Variants in MYLK4 observed in about 807,000 individuals in gnomAD.
The protein encoded by MYLK4 is myosin light chain kinase family member 4, also known as caMLCK like.
Under a neutral mutation model 48.1 loss-of-function variants are expected in MYLK4, and 46 were observed. The observed-to-expected ratio is 0.96, with a 90% CI of 0.75 to 1.22. The LOEUF is 1.22. Among genes scored for constraint, MYLK4 ranks in the 50% most tolerant of loss-of-function variants. The probability of loss-of-function intolerance (pLI) is 0.00; values close to 1 mark genes in which losing one functional copy is unlikely to be tolerated. For missense variants in MYLK4, 451 were observed against 486.1 expected, an observed-to-expected ratio of 0.93 and a Z score of 0.68; for synonymous variants, 170 against 180.8, an observed-to-expected ratio of 0.94 and a Z score of 0.48.
chr6:2,686,080 A>G (rs1582043097), intron 4 of MYLK4, among the ~76,000 whole-genome samples: 2 of 109,360 alleles, frequency 1.8e-5, no homozygotes, highest in Non-Finnish European at 1.8e-5. Flanking sequence ...AAAAAAAAAA[A>G]AAGAAGAAAG....
chr6:2,679,882 C>T (rs1582033232), intron 8 of MYLK4, among the ~76,000 whole-genome samples: 1 of 152,326 alleles, frequency 6.6e-6, no homozygotes, highest in East Asian at 1.9e-4. Context: ...TGCAAACTTG[C>T]TTACGTTGTT....
chr6:2,683,283 T>C, intron 6 of MYLK4, 121 bp from the exon 7 acceptor site: 3 of 1,034,064 alleles, frequency 2.9e-6, no homozygotes, highest in Non-Finnish European at 4.3e-6. Context: ...TGCAGTTATT[T>C]CTCTGCCTTC....
the MYLK4 span, among the ~76,000 whole-genome samples, chr6:2,757,502 T>C: frequency 5.9e-5 from 9 of 152,060 alleles, no homozygotes; most frequent in Non-Finnish European, 1.2e-4. Context: ...AACAGAGTAG[T>C]ACACAAAATA....
At chr6:2,724,561 G>C (rs1763186615) in intron 2 of MYLK4, among the ~76,000 whole-genome samples, 1 of 152,198 alleles carries the variant, frequency 6.6e-6, no homozygotes, top group Non-Finnish European at 1.5e-5. Context: ...TTACTCCCAA[G>C]TTAAAATCAC....
chr6:2,725,038 C>A (rs1763206534), intron 2 of MYLK4, among the ~76,000 whole-genome samples: 1 of 152,212 alleles, frequency 6.6e-6, no homozygotes, highest in African/African-American at 2.4e-5. Flanking sequence ...GTAATTCCAG[C>A]TGCTCGAGAG....
intron 2 of MYLK4, among the ~76,000 whole-genome samples, chr6:2,693,624 A>G (rs1761897862): frequency 6.6e-6 from 1 of 152,236 alleles, no homozygotes; most frequent in African/African-American, 2.4e-5. Flanking sequence ...TAAATTAATG[A>G]CATTGTGTGG....
At chr6:2,737,710 A>G (rs1763730619) in intron 2 of MYLK4, among the ~76,000 whole-genome samples, 1 of 152,146 alleles carries the variant, frequency 6.6e-6, no homozygotes, top group African/African-American at 2.4e-5. Context: ...TGACAGCATC[A>G]CCCACAGAAA....
the MYLK4 span, among the ~76,000 whole-genome samples, chr6:2,764,520 C>G: frequency 1.7e-4 from 26 of 152,296 alleles, no homozygotes; most frequent in South Asian, 4.1e-4. Flanking sequence ...ACCAAAAATG[C>G]CTGTTTTGAG....
At position 2,669,309 on chromosome 6, in the gene MYLK4, C is replaced by G. The variant is rs547971402; in HGVS notation, c.*26-1410G>C. Reference sequence around the variant, plus strand: ...GCGTGGCCAGCCCAAATGCTGCTGTCTGCGTCCTCTGCACAGCCATCGCTT... The same window carrying G: ...GCGTGGCCAGCCCAAATGCTGCTGTGTGCGTCCTCTGCACAGCCATCGCTT... On this transcript the variant is annotated intron_variant, in intron 12 of 12. Coordinates refer to ENST00000274643, the MANE Select transcript of MYLK4 (RefSeq NM_001012418.5). Among the ~76,000 whole-genome samples, 8 of 152,356 alleles carry G rather than the reference C, an allele frequency of 5.3e-5. No homozygotes were observed. The South Asian group carries it at 1.7e-3, about 32-fold the overall frequency.
intron 2 of MYLK4, among the ~76,000 whole-genome samples, chr6:2,715,335 GGCTGCACGA>G (rs764389263): frequency 2.0e-5 from 3 of 151,970 alleles, no homozygotes; most frequent in Non-Finnish European, 2.9e-5. Context: ...GGTGCTGACG[GGCTGCACGA>G]CAATGTGAAT....
chr6:2,757,919 A>G, the MYLK4 span, among the ~76,000 whole-genome samples: 1 of 152,204 alleles, frequency 6.6e-6, no homozygotes, highest in Non-Finnish European at 1.5e-5. Context: ...GGAGACACAC[A>G]GCCTAGGCTT....
intron 2 of MYLK4, among the ~76,000 whole-genome samples, chr6:2,715,992 T>G (rs1452913560): frequency 6.7e-6 from 1 of 150,188 alleles, no homozygotes; most frequent in Non-Finnish European, 1.5e-5. Flanking sequence ...CCAGAACCTT[T>G]GCACTCTGGT....
chr6:2,742,131 C>T (rs562597956), intron 2 of MYLK4, among the ~76,000 whole-genome samples: 1 of 152,272 alleles, frequency 6.6e-6, no homozygotes, highest in East Asian at 1.9e-4. Context: ...ACTTTGTCCT[C>T]AACTAAGACA....
intron 6 of MYLK4, 111 bp from the exon 7 acceptor site, chr6:2,683,273 T>C (rs1003776920): frequency 2.0e-5 from 24 of 1,174,978 alleles, no homozygotes; most frequent in African/African-American, 3.0e-5. Flanking sequence ...AAGGTGTATG[T>C]GCAGTTATTT....
chr6:2,734,896 T>C (rs1763614559), intron 2 of MYLK4, among the ~76,000 whole-genome samples: 1 of 152,096 alleles, frequency 6.6e-6, no homozygotes, highest in South Asian at 2.1e-4. Flanking sequence ...ATTCAGCAGG[T>C]TGGATGGGGC....
chr6:2,752,096 C>G (rs939127645), upstream of MYLK4, among the ~76,000 whole-genome samples: 1 of 152,168 alleles, frequency 6.6e-6, no homozygotes, highest in Non-Finnish European at 1.5e-5. Flanking sequence ...CCACCCGGAC[C>G]ACCACCACGC....
chr6:2,683,144 C>G lies in MYLK4; in HGVS notation c.564G>C (p.Leu188=), dbSNP rs764092047. Residue 188 remains leucine (L), a synonymous_variant, in exon 7 of 13, where the codon CTG becomes CTC. Coordinates refer to ENST00000274643, the MANE Select transcript of MYLK4 (RefSeq NM_001012418.5). The part of the protein sequence containing the change: ...LVMEYVDGGE[L]FDRIIDESYN... Reference sequence around the variant, plus strand: ...AGCTCTCATCGATGATGCGGTCAAACAGCTCCCCACCATCCACACTGCAGA... The same window carrying G: ...AGCTCTCATCGATGATGCGGTCAAAGAGCTCCCCACCATCCACACTGCAGA... 1 of 1,614,154 alleles carries G rather than the reference C, an allele frequency of 6.2e-7. No homozygotes were observed. Among genetic ancestry groups the G allele is most frequent in the Non-Finnish European group, 8.5e-7 (1 of 1,180,032 alleles).
chr6:2,722,552 T>TGC (rs1554131157), intron 2 of MYLK4, among the ~76,000 whole-genome samples: 1 of 145,420 alleles, frequency 6.9e-6, no homozygotes, highest in Non-Finnish European at 1.5e-5. Flanking sequence ...TGTGTGTGTG[T>TGC]GTGTTGGAGG....
rs1220915321 is a variant in MYLK4, at chr6:2,667,269, C to G, written c.*656G>C. ...TCAGCTACATGGAAGAAAACGCACG[C>G]TGGGGACAATTCAGAATAAATGAAA... On this transcript the variant is annotated 3_prime_UTR_variant, in exon 13 of 13. Coordinates refer to ENST00000274643, the MANE Select transcript of MYLK4 (RefSeq NM_001012418.5). 1 of 152,200 alleles carries G rather than the reference C, an allele frequency of 6.6e-6. No homozygotes were observed. The highest frequency in any genetic ancestry group is 6.5e-5 in the Admixed American group (1 of 15,290). The allele number at this position is 152,200 out of a possible 1,614,324, so 9.4% of individuals were successfully genotyped here. A position where few individuals can be genotyped will look rare whatever the true frequency, so the allele number is the denominator to read the frequency against.
Sources: allele counts gnomAD v4.1 joint callset (sites outside exome capture counted in the v4.1 genomes callset), GRCh38; gene constraint gnomAD v4.1.1; transcripts MANE v1.5; gene names NCBI Gene and HGNC (gene_info 2026-07-23, HGNC 2026-07-21).